GRB10: variants seen among roughly 807,000 people sequenced by gnomAD.
GRB10 encodes the protein growth factor receptor bound protein 10, also known as growth factor receptor-bound protein 10.
A neutral mutation model predicts 80.9 loss-of-function variants in GRB10; 20 were observed. The ratio of observed to expected loss-of-function variants is 0.25; its 90% CI spans 0.17 to 0.36. GRB10 has a LOEUF of 0.36. Ranked by LOEUF, GRB10 falls within the 10% of genes least tolerant of loss-of-function variation. GRB10 has a pLI of 1.00. For synonymous variants in GRB10, 291 were observed against 291.5 expected (o/e 1.00, Z 0.02); for missense variants, 548 against 747.7 (o/e 0.73, Z 3.12).
At chr7:50,647,858 GGAGT>G (rs2057432122) in intron 7 of GRB10, among the ~76,000 whole-genome samples, 1 of 152,198 alleles carries the variant, frequency 6.6e-6, no homozygotes, top group Non-Finnish European at 1.5e-5. Flanking sequence ...ACTCAAAAGA[GGAGT>G]GAGGAAGGGA....
chr7:50,743,750 C>T (rs1355594242), intron 3 of GRB10, among the ~76,000 whole-genome samples: 1 of 152,184 alleles, frequency 6.6e-6, no homozygotes, highest in Non-Finnish European at 1.5e-5. Context: ...ACTTTCTAGG[C>T]ACCCTCACCA....
intron 3 of GRB10, among the ~76,000 whole-genome samples, chr7:50,742,271 GCACACACACACACACACACACACACACA>G (rs55813195): frequency 1.9e-3 from 88 of 46,908 alleles, no homozygotes; most frequent in African/African-American, 5.1e-3. Context: ...ACGCGCGCGC[GCACACACACACACACACACACACACACA>G]CACACACACA....
intron 7 of GRB10, among the ~76,000 whole-genome samples, chr7:50,656,224 A>C (rs2058629710): frequency 6.6e-6 from 1 of 152,176 alleles, no homozygotes; most frequent in East Asian, 1.9e-4. Flanking sequence ...TGAGATGTGC[A>C]CACATGTGAG....
intron 7 of GRB10, among the ~76,000 whole-genome samples, chr7:50,630,174 G>A (rs1320104431): frequency 6.6e-6 from 1 of 152,200 alleles, no homozygotes; most frequent in East Asian, 1.9e-4. Context: ...AATCAGTAAT[G>A]TAAGCAAAAC....
At chr7:50,723,394 G>C (rs1021850787) in intron 4 of GRB10, among the ~76,000 whole-genome samples, 2 of 152,182 alleles carry the variant, frequency 1.3e-5, no homozygotes, top group African/African-American at 4.8e-5. Context: ...CAAAGAAACT[G>C]CCAATCATTT....
At chr7:50,601,777 C>A (rs978164163) in intron 17 of GRB10, among the ~76,000 whole-genome samples, 1 of 152,068 alleles carries the variant, frequency 6.6e-6, no homozygotes, top group Admixed American at 6.5e-5. Context: ...TAAAAAAGCC[C>A]ATGTCCTAGC....
chr7:50,769,772 C>T (rs561022519), intron 2 of GRB10, among the ~76,000 whole-genome samples: 1 of 151,972 alleles, frequency 6.6e-6, no homozygotes, highest in Middle Eastern at 3.2e-3. Context: ...CTGCAACACC[C>T]TTCTCTCCTC....
intron 2 of GRB10, among the ~76,000 whole-genome samples, chr7:50,757,131 C>G (rs565381630): frequency 6.6e-6 from 1 of 152,146 alleles, no homozygotes; most frequent in Non-Finnish European, 1.5e-5. Flanking sequence ...AAACAGGTCC[C>G]GCTGAACATG....
rs377444075 is a variant in GRB10 at position 50,692,707 on chromosome 7, CAGTA to C, written c.139+11110_139+11113del. Among the ~76,000 whole-genome samples the C allele has an allele frequency of 2.0e-4, 30 of 152,202 alleles. No individual in the cohort carries two copies. The East Asian group carries it at 5.2e-3, about 26-fold the overall frequency. ...GTAGAACCTTGTGGTATATACCAGG[CAGTA>C]TATATGTCACAGTAAGAAAGACATG... On this transcript the variant is annotated intron_variant, in intron 5 of 18. Transcript: ENST00000401949.
intron 2 of GRB10, among the ~76,000 whole-genome samples, chr7:50,769,190 C>G (rs955943350): frequency 2.2e-4 from 34 of 152,234 alleles, no homozygotes; most frequent in African/African-American, 8.2e-4. Context: ...ATTACACATC[C>G]TCCTCTCCGC....
At position 50,760,142 on chromosome 7, in the gene GRB10, C is replaced by A. The variant is rs561482866; in HGVS notation, c.-216-4086G>T. 3.7e-4 allele frequency among the ~76,000 whole-genome samples: 56 copies of A among 152,278 alleles called. 1 individual carries two copies. In the South Asian group the frequency reaches 0.011, roughly 31 times the overall value. ...GCACAGGGAGGTCAGAGGCTGCCTA[C>A]CTGAAAGAGGCAGCACACAGCTCTA... On this transcript the variant is annotated intron_variant, in intron 2 of 18. Transcript: ENST00000401949.
intron 2 of GRB10, among the ~76,000 whole-genome samples, chr7:50,768,516 C>T (rs2076610016): frequency 6.6e-6 from 1 of 152,184 alleles, no homozygotes; most frequent in East Asian, 1.9e-4. Context: ...AGTATTCTTT[C>T]ATTAATTCAC....
chr7:50,787,513 G>A (rs2078743782), upstream of GRB10, among the ~76,000 whole-genome samples: 1 of 152,234 alleles, frequency 6.6e-6, no homozygotes, highest in East Asian at 1.9e-4. Context: ...GAAGAGAACA[G>A]AAACACTGTG....
At chr7:50,705,509 CCT>C (rs1378716779) in intron 4 of GRB10, among the ~76,000 whole-genome samples, 7 of 152,060 alleles carry the variant, frequency 4.6e-5, no homozygotes, top group African/African-American at 1.4e-4. Flanking sequence ...TAAAACGGAA[CCT>C]CTCTTTTTAT....
intron 7 of GRB10, among the ~76,000 whole-genome samples, chr7:50,637,691 A>G (rs1289997255): frequency 1.4e-5 from 2 of 143,828 alleles, no homozygotes; most frequent in East Asian, 4.1e-4. Context: ...CATAATTAGA[A>G]AAAAAGATTG....
intron 7 of GRB10, among the ~76,000 whole-genome samples, chr7:50,633,155 C>T (rs1414030195): frequency 3.3e-5 from 5 of 152,176 alleles, no homozygotes; most frequent in African/African-American, 1.2e-4. Flanking sequence ...CAGTATACAG[C>T]GGTGGGGGAT....
At chr7:50,700,902 A>G (rs2064111875) in intron 5 of GRB10, among the ~76,000 whole-genome samples, 1 of 152,240 alleles carries the variant, frequency 6.6e-6, no homozygotes, top group East Asian at 1.9e-4. Flanking sequence ...CACAGGTTTT[A>G]GAAAAGAATC....
At chr7:50,735,356 G>A (rs919658007) in intron 3 of GRB10, among the ~76,000 whole-genome samples, 45 of 152,156 alleles carry the variant, frequency 3.0e-4, no homozygotes, top group African/African-American at 1.1e-3. Context: ...TTGTTAAGAT[G>A]AAATACTACC....
intron 4 of GRB10, among the ~76,000 whole-genome samples, chr7:50,720,747 T>C (rs1221097346): frequency 6.6e-6 from 1 of 152,072 alleles, no homozygotes; most frequent in Non-Finnish European, 1.5e-5. Flanking sequence ...AAAGGAATAA[T>C]TTTAAGGTTC....
Sources: allele counts gnomAD v4.1 joint callset (sites outside exome capture counted in the v4.1 genomes callset), GRCh38; gene constraint gnomAD v4.1.1; transcripts MANE v1.5; gene names NCBI Gene and HGNC (gene_info 2026-07-23, HGNC 2026-07-21).